TBX15: variants seen among roughly 807,000 people sequenced by gnomAD.
TBX15 encodes the protein T-box transcription factor TBX15.
In TBX15, 18 loss-of-function variants were observed where a neutral mutation model predicts 53.9. That is an observed-to-expected ratio of 0.33 (90% CI 0.23 to 0.49). The LOEUF (loss-of-function observed/expected upper bound fraction) is 0.49. Ranked by LOEUF, TBX15 falls within the 20% of genes least tolerant of loss-of-function variation. The pLI, the probability that TBX15 is intolerant of heterozygous loss-of-function variation, is 0.98. For missense variants in TBX15, 692 were observed against 749.5 expected (o/e 0.92, Z 0.90); for synonymous variants, 295 against 278.0 (o/e 1.06, Z -0.61).
At position 118,932,167 on chromosome 1, in the gene TBX15, G is replaced by A. The variant is rs56101873; in HGVS notation, c.206-335C>T. ...TTGAAGAGAATGAGGCCAAACTGGG[G>A]CAACAAAATAAATGCCATATTAAAC... On this transcript the variant is annotated intron_variant, in intron 1 of 7. Coordinates refer to ENST00000369429, the MANE Select transcript of TBX15 (RefSeq NM_001330677.2). Among the ~76,000 whole-genome samples, 19,552 of 152,106 alleles carry A rather than the reference G, an allele frequency of 0.13. 1,780 individuals carry two copies. The highest frequency in any genetic ancestry group is 0.18 in the Non-Finnish European group (12,180 of 67,990).
At chr1:118,895,654 A>G (rs1424568903) in intron 7 of TBX15, among the ~76,000 whole-genome samples, 1 of 152,108 alleles carries the variant, frequency 6.6e-6, no homozygotes, top group Non-Finnish European at 1.5e-5. Context: ...CTGAGGTAGA[A>G]TCTTCATCTC....
rs532879469 is a variant in TBX15, at chr1:118,983,377, G to A, written c.205+4214C>T. On this transcript the variant is annotated intron_variant, in intron 1 of 7. Transcript: ENST00000369429. ...GTTTCTATTGTGCCACCGCGCCGGG[G>A]CCGGAGTTTTACATAGAATGTCTTC... 3.9e-5 allele frequency among the ~76,000 whole-genome samples: 6 copies of A among 152,264 alleles called. No individual in the cohort carries two copies. The South Asian group carries it at 6.2e-4, about 16-fold the overall frequency.
intron 7 of TBX15, among the ~76,000 whole-genome samples, chr1:118,886,772 C>A (rs1209687815): frequency 1.3e-5 from 2 of 152,144 alleles, no homozygotes; most frequent in East Asian, 1.9e-4. Context: ...TGGGGTGGGG[C>A]CTAAGAATTT....
At chr1:118,937,592 A>G (rs1444201042) in intron 1 of TBX15, among the ~76,000 whole-genome samples, 2 of 152,262 alleles carry the variant, frequency 1.3e-5, no homozygotes, top group East Asian at 3.8e-4. Context: ...AGCTGACTGT[A>G]GAGTCAGATA....
At chr1:118,965,371 G>T (rs1483243999) in intron 1 of TBX15, among the ~76,000 whole-genome samples, 1 of 152,170 alleles carries the variant, frequency 6.6e-6, no homozygotes, top group Non-Finnish European at 1.5e-5. Flanking sequence ...AAATCAATTT[G>T]CAAGCATTAT....
At chr1:118,962,459 A>G (rs1374661970) in intron 1 of TBX15, among the ~76,000 whole-genome samples, 1 of 152,168 alleles carries the variant, frequency 6.6e-6, no homozygotes, top group African/African-American at 2.4e-5. Flanking sequence ...AAAGCAACCA[A>G]CAACACCCCC....
At chr1:118,893,737 C>T (rs1350243834) in intron 7 of TBX15, among the ~76,000 whole-genome samples, 1 of 152,142 alleles carries the variant, frequency 6.6e-6, no homozygotes, top group Non-Finnish European at 1.5e-5. Context: ...CTTTTCTAAT[C>T]ATCATGCCCT....
chr1:118,979,622 C>G (rs1657573725), intron 1 of TBX15, among the ~76,000 whole-genome samples: 1 of 152,128 alleles, frequency 6.6e-6, no homozygotes, highest in African/African-American at 2.4e-5. Context: ...TTGGCGGGTT[C>G]CTGATTTGTT....
At chr1:118,893,466 A>AAAGGAAGG (rs879291100) in intron 7 of TBX15, among the ~76,000 whole-genome samples, 31 of 97,248 alleles carry the variant, frequency 3.2e-4, no homozygotes, top group South Asian at 1.1e-3. Flanking sequence ...GGAAGGAAAG[A>AAAGGAAGG]AAGGAAGGAA....
At chr1:118,915,955 G>A (rs1470557364) in intron 5 of TBX15, among the ~76,000 whole-genome samples, 2 of 152,158 alleles carry the variant, frequency 1.3e-5, no homozygotes, top group African/African-American at 4.8e-5. Flanking sequence ...AATAGCAAAT[G>A]TCTCAAGTGT....
intron 2 of TBX15, among the ~76,000 whole-genome samples, chr1:118,929,960 C>T (rs2101609369): frequency 6.6e-6 from 1 of 152,196 alleles, no homozygotes; most frequent in Admixed American, 6.5e-5. Flanking sequence ...GCCTTTACAC[C>T]ACAAAATGTG....
rs41313294 is a variant in TBX15 at position 118,885,724 on chromosome 1, C to G, written c.1025-208G>C. 0.031 allele frequency among the ~76,000 whole-genome samples: 4,671 copies of G among 152,200 alleles called. 76 individuals are homozygous for G. The highest frequency in any genetic ancestry group is 0.033 in the African/African-American group (1,362 of 41,496). On this transcript the variant is annotated intron_variant, in intron 7 of 7. Transcript: ENST00000369429. ...AGTCATACAGTCTCTCACACACACA[C>G]ACACACACACTCCAGAAGGATCAAA... is the stretch of plus-strand genomic sequence containing the variant.
At chr1:118,973,140 C>A (rs1047457069) in intron 1 of TBX15, among the ~76,000 whole-genome samples, 1 of 152,222 alleles carries the variant, frequency 6.6e-6, no homozygotes, top group African/African-American at 2.4e-5. Flanking sequence ...CTCACAACAA[C>A]TCTGCAGCAA....
intron 1 of TBX15, among the ~76,000 whole-genome samples, chr1:118,956,001 T>C (rs1324328902): frequency 6.6e-6 from 1 of 152,140 alleles, no homozygotes; most frequent in Non-Finnish European, 1.5e-5. Flanking sequence ...CTCTAATTAA[T>C]AGGATTAGTG....
intron 5 of TBX15, among the ~76,000 whole-genome samples, chr1:118,922,060 G>T (rs910856057): frequency 6.6e-6 from 1 of 152,134 alleles, no homozygotes; most frequent in African/African-American, 2.4e-5. Flanking sequence ...TTACTAGAAG[G>T]TACTGTATTA....
chr1:118,958,130 A>G (rs1303520831), intron 1 of TBX15, among the ~76,000 whole-genome samples: 1 of 152,218 alleles, frequency 6.6e-6, no homozygotes, highest in East Asian at 1.9e-4. Flanking sequence ...CTAACCTCCA[A>G]TGTGGCAGTT....
intron 2 of TBX15, among the ~76,000 whole-genome samples, chr1:118,927,844 C>A (rs182418431): frequency 6.6e-6 from 1 of 152,126 alleles, no homozygotes; most frequent in Admixed American, 6.5e-5. Flanking sequence ...TGTATCAAGC[C>A]GGACATAAAA....
intron 1 of TBX15, among the ~76,000 whole-genome samples, chr1:118,964,119 A>G (rs368508266): frequency 7.9e-5 from 12 of 152,366 alleles, no homozygotes; most frequent in Admixed American, 5.2e-4. Context: ...AAATGGTGCC[A>G]CTAAGGGTTT....
rs192875514 is a variant in TBX15 at position 118,950,496 on chromosome 1, T to C, written c.206-18664A>G. Reference sequence around the variant, plus strand: ...ATAGTTTAAATGAGGACAAGAGCCATGTTGGACCATTAAAGTATCTCCCAA... The same window carrying C: ...ATAGTTTAAATGAGGACAAGAGCCACGTTGGACCATTAAAGTATCTCCCAA... On this transcript the variant is annotated intron_variant, in intron 1 of 7. Coordinates refer to ENST00000369429, the MANE Select transcript of TBX15 (RefSeq NM_001330677.2). Among the ~76,000 whole-genome samples, 34 of 152,338 alleles carry C rather than the reference T, an allele frequency of 2.2e-4. No homozygotes were observed. The East Asian group carries it at 5.4e-3, about 24-fold the overall frequency.
Sources: gnomAD v4.1 joint callset for allele counts (sites outside exome capture counted in the v4.1 genomes callset) on GRCh38, gnomAD v4.1.1 for gene constraint, MANE v1.5 for transcripts, NCBI Gene and HGNC (gene_info 2026-07-23, HGNC 2026-07-21) for gene names.